ZDHHC14: variants seen among roughly 807,000 people sequenced by gnomAD.
ZDHHC14 encodes zDHHC palmitoyltransferase 14.
In ZDHHC14, 16 loss-of-function variants were observed where a neutral mutation model predicts 47.7. That is an observed-to-expected ratio of 0.34 (90% CI 0.23 to 0.51). The LOEUF (loss-of-function observed/expected upper bound fraction) is 0.51. Ranked by LOEUF, ZDHHC14 falls within the 20% of genes least tolerant of loss-of-function variation. ZDHHC14 has a pLI of 0.97. For missense variants in ZDHHC14, 515 were observed against 662.5 expected (o/e 0.78, Z 2.44); for synonymous variants, 293 against 278.9 (o/e 1.05, Z -0.50).
intron 1 of ZDHHC14, among the ~76,000 whole-genome samples, chr6:157,525,367 T>G (rs772783142): frequency 2.6e-5 from 4 of 152,104 alleles, no homozygotes; most frequent in Non-Finnish European, 5.9e-5. Flanking sequence ...GGTCTTGCCA[T>G]GTTGCCCAGG....
chr6:157,557,208 G>A (rs1782512805), intron 2 of ZDHHC14, among the ~76,000 whole-genome samples: 1 of 152,226 alleles, frequency 6.6e-6, no homozygotes, highest in African/African-American at 2.4e-5. Flanking sequence ...CCTCTCGCAC[G>A]CTGTAGCAGG....
intron 1 of ZDHHC14, among the ~76,000 whole-genome samples, chr6:157,526,932 T>C (rs913344886): frequency 6.6e-6 from 1 of 152,144 alleles, no homozygotes; most frequent in Non-Finnish European, 1.5e-5. Flanking sequence ...GCCGGGGCAG[T>C]GGATGGTGGC....
At chr6:157,651,597 C>T (rs939087870) in intron 7 of ZDHHC14, among the ~76,000 whole-genome samples, 5 of 151,352 alleles carry the variant, frequency 3.3e-5, no homozygotes, top group African/African-American at 9.7e-5. Flanking sequence ...GAGATGGAGT[C>T]TCACTCTGTT....
chr6:157,465,498 C>T (rs1779189617), intron 1 of ZDHHC14, among the ~76,000 whole-genome samples: 1 of 151,722 alleles, frequency 6.6e-6, no homozygotes, highest in Non-Finnish European at 1.5e-5. Flanking sequence ...CCACACAAAA[C>T]GGGAAATGAA....
At chr6:157,639,551 C>T (rs1462230346) in intron 5 of ZDHHC14, among the ~76,000 whole-genome samples, 1 of 152,202 alleles carries the variant, frequency 6.6e-6, no homozygotes, top group Non-Finnish European at 1.5e-5. Flanking sequence ...AGTGATCCAC[C>T]TCGGCCTCCC....
intron 8 of ZDHHC14, among the ~76,000 whole-genome samples, chr6:157,657,033 G>T (rs557279559): frequency 6.7e-6 from 1 of 149,274 alleles, no homozygotes; most frequent in East Asian, 1.9e-4. Context: ...CTTGCCATCC[G>T]TACACACAAA....
intron 8 of ZDHHC14, among the ~76,000 whole-genome samples, chr6:157,665,210 A>G (rs1238472567): frequency 6.6e-6 from 1 of 152,234 alleles, no homozygotes; most frequent in African/African-American, 2.4e-5. Context: ...ATGCTGGTCC[A>G]GTATCAGTTC....
At chr6:157,529,239 AG>A (rs1394850896) in intron 1 of ZDHHC14, 1 of 154,704 alleles carries the variant, frequency 6.5e-6, no homozygotes, top group East Asian at 1.9e-4. Flanking sequence ...CTCTCTTCAC[AG>A]GGAGCAAGTT....
chr6:157,435,295 CG>C (rs1203099277), intron 1 of ZDHHC14, among the ~76,000 whole-genome samples: 16 of 152,132 alleles, frequency 1.1e-4, no homozygotes, highest in African/African-American at 3.4e-4. Context: ...TATAGAAATC[CG>C]AGAAGAGGGC....
rs564404141 is a variant in ZDHHC14 at position 157,582,720 on chromosome 6, C to T, written c.407-10268C>T. 6.6e-6 allele frequency among the ~76,000 whole-genome samples: 1 copy of T among 152,186 alleles called. No individual in the cohort carries two copies. Among genetic ancestry groups the T allele is most frequent in the East Asian group, 1.9e-4 (1 of 5,162 alleles). On this transcript the variant is annotated intron_variant, in intron 2 of 8. Transcript: ENST00000359775. The surrounding 1 kb of genome is among the most constrained non-coding windows in gnomAD (Gnocchi z 4.3). ...GATTATGTGTCTTGGGGATATTCTT[C>T]TTGTGTATTATTTTGCAGGAGTTCT... is the stretch of plus-strand genomic sequence containing the variant.
At position 157,502,615 on chromosome 6, in the gene ZDHHC14, G is replaced by T. The variant is rs565419857; in HGVS notation, c.246-39970G>T. On this transcript the variant is annotated intron_variant, in intron 1 of 8. Transcript: ENST00000359775. This position sits in a 1 kb window ranked among gnomAD's most constrained non-coding sequence, Gnocchi z 4.0. ...CTATACATGTCCACCTGTTGCTACTGCCCAGCTGCCCACATGTGCTAGTAA... is the reference window on the plus strand; with the variant it reads ...CTATACATGTCCACCTGTTGCTACTTCCCAGCTGCCCACATGTGCTAGTAA... Among the ~76,000 whole-genome samples, 45 of 152,288 alleles carry T rather than the reference G, an allele frequency of 3.0e-4. 1 individual carries two copies. The South Asian group carries it at 9.3e-3, about 32-fold the overall frequency.
chr6:157,610,502 C>T (rs1784712719), intron 3 of ZDHHC14, among the ~76,000 whole-genome samples: 1 of 152,204 alleles, frequency 6.6e-6, no homozygotes, highest in South Asian at 2.1e-4. Flanking sequence ...TGAAGTTCTG[C>T]AGAGCCTCCT....
intron 6 of ZDHHC14, among the ~76,000 whole-genome samples, chr6:157,646,658 C>CCAGAGCAG (rs1777572025): frequency 6.6e-6 from 1 of 151,494 alleles, no homozygotes; most frequent in African/African-American, 2.4e-5. Context: ...GAGAATGTTT[C>CCAGAGCAG]CAGAGCAGCG....
At chr6:157,660,188 CTTT>C (rs397799133) in intron 8 of ZDHHC14, among the ~76,000 whole-genome samples, 2 of 86,654 alleles carry the variant, frequency 2.3e-5, no homozygotes, top group African/African-American at 5.2e-5. Context: ...TTCTTTTTTT[CTTT>C]TTTTTTTTTT....
intron 8 of ZDHHC14, among the ~76,000 whole-genome samples, chr6:157,661,855 G>A (rs7741810): frequency 1.3e-5 from 2 of 151,954 alleles, no homozygotes; most frequent in African/African-American, 2.4e-5. Flanking sequence ...ACGGAGTCTC[G>A]CTGTGTCGCC....
rs1777963347 is a variant in ZDHHC14, at chr6:157,415,868, T to G, written c.245+33602T>G. On this transcript the variant is annotated intron_variant, in intron 1 of 8. Coordinates refer to ENST00000359775, the MANE Select transcript of ZDHHC14 (RefSeq NM_024630.3). ...CAGCATGGGTGACAGAGTAAGACTT[T>G]GTCTCAAAAAAAAAAAAAAGAAAAA... 2.0e-5 allele frequency among the ~76,000 whole-genome samples: 3 copies of G among 149,774 alleles called. No individual in the cohort carries two copies. In the East Asian group the frequency reaches 5.8e-4, roughly 29 times the overall value.
rs146678312 is a variant in ZDHHC14 at position 157,398,869 on chromosome 6, A to G, written c.245+16603A>G. ...AGTACAAGAGAAGAGGAAAAGCTCT[A>G]TGTGTCTGACAGTAAACATTAAGTG... On this transcript the variant is annotated intron_variant, in intron 1 of 8. Coordinates refer to ENST00000359775, the MANE Select transcript of ZDHHC14 (RefSeq NM_024630.3). Among the ~76,000 whole-genome samples, 51 of 152,350 alleles carry G rather than the reference A, an allele frequency of 3.3e-4. 1 individual carries two copies. The East Asian group carries it at 8.7e-3, about 26-fold the overall frequency.
At chr6:157,505,515 G>C (rs1002580189) in intron 1 of ZDHHC14, among the ~76,000 whole-genome samples, 1 of 152,192 alleles carries the variant, frequency 6.6e-6, no homozygotes, top group Non-Finnish European at 1.5e-5. Context: ...AAATGTGACT[G>C]AGTGCAGTAG....
At chr6:157,655,739 A>C (rs1724189924) in intron 8 of ZDHHC14, among the ~76,000 whole-genome samples, 1 of 152,242 alleles carries the variant, frequency 6.6e-6, no homozygotes, top group Admixed American at 6.5e-5. Context: ...GTATGTGAGC[A>C]GATACATGAA....
Sources: gnomAD v4.1 joint callset for allele counts (sites outside exome capture counted in the v4.1 genomes callset) on GRCh38, gnomAD v4.1.1 for gene constraint, Gnocchi (gnomAD v3.1) non-coding constraint, MANE v1.5 for transcripts, NCBI Gene and HGNC (gene_info 2026-07-23, HGNC 2026-07-21) for gene names.